Variants in TMPRSS15 observed in about 807,000 individuals in gnomAD.
TMPRSS15 encodes the protein transmembrane serine protease 15.
Under a neutral mutation model 125.3 loss-of-function variants are expected in TMPRSS15, and 128 were observed. The ratio of observed to expected loss-of-function variants is 1.02; its 90% confidence interval spans 0.89 to 1.18. TMPRSS15 has a LOEUF of 1.18. Ranked by LOEUF, TMPRSS15 falls within the 50% of genes most tolerant of loss-of-function variation. The pLI, the probability that TMPRSS15 is intolerant of heterozygous loss-of-function variation, is 0.00. For synonymous variants in TMPRSS15, 446 were observed against 423.2 expected (o/e 1.05, Z -0.66); for missense variants, 1,283 against 1,212.7 (o/e 1.06, Z -0.86).
intron 1 of TMPRSS15, among the ~76,000 whole-genome samples, chr21:18,446,099 A>G (rs1177861054): frequency 6.6e-6 from 1 of 152,230 alleles, no homozygotes; most frequent in Non-Finnish European, 1.5e-5. Context: ...TGATAAGCAA[A>G]TTCAATAAAG....
In TMPRSS15 at chr21:18,351,100, A is replaced by T. The variant is rs376830326; in HGVS notation, c.1171+1803T>A. 1.8e-4 allele frequency among the ~76,000 whole-genome samples: 28 copies of T among 152,246 alleles called. No individual in the cohort carries two copies. In the East Asian group the frequency reaches 5.0e-3, roughly 27 times the overall value. ...TATCTTGAAAAAAATTAACTCTTTA[A>T]AGTCCTTTAACTAAATGTCACTCAC... On this transcript the variant is annotated intron_variant, in intron 10 of 24. Transcript: ENST00000284885.
intron 1 of TMPRSS15, among the ~76,000 whole-genome samples, chr21:18,410,632 AT>A (rs1333822234): frequency 6.7e-6 from 1 of 150,010 alleles, no homozygotes; most frequent in African/African-American, 2.4e-5. Flanking sequence ...ATTCCCTACT[AT>A]TTTTGTTATT....
At chr21:18,383,568 C>T in intron 4 of TMPRSS15, 59 bp downstream of exon 4, 3 of 1,588,950 alleles carry the variant, frequency 1.9e-6, no homozygotes, top group Non-Finnish European at 2.6e-6. Context: ...TGGTATATTG[C>T]TAGAATTTTA....
chr21:18,432,970 G>A (rs2076219405), intron 1 of TMPRSS15, among the ~76,000 whole-genome samples: 1 of 152,084 alleles, frequency 6.6e-6, no homozygotes, highest in South Asian at 2.1e-4. Flanking sequence ...AGTAAGTAAT[G>A]CAAAGATTCC....
At chr21:18,361,640 A>C (rs1755628545) in intron 7 of TMPRSS15, among the ~76,000 whole-genome samples, 1 of 152,094 alleles carries the variant, frequency 6.6e-6, no homozygotes, top group Non-Finnish European at 1.5e-5. Flanking sequence ...GAAAGTCTAA[A>C]AGTCATTGTT....
intron 16 of TMPRSS15, among the ~76,000 whole-genome samples, chr21:18,317,796 TCCCATCCCA>T (rs2075184184): frequency 1.8e-5 from 2 of 111,394 alleles, no homozygotes; most frequent in African/African-American, 6.9e-5. Flanking sequence ...TCCCATCCCA[TCCCATCCCA>T]TCCCATCCCA....
chr21:18,294,177 G>T (rs1465375680), intron 21 of TMPRSS15, 93 bp downstream of exon 21: 3 of 1,439,140 alleles, frequency 2.1e-6, no homozygotes, highest in East Asian at 2.3e-5. Flanking sequence ...TTTCCCTGGT[G>T]GGATGGTTTT....
intron 1 of TMPRSS15, among the ~76,000 whole-genome samples, chr21:18,474,074 G>C (rs760886033): frequency 2.0e-5 from 3 of 151,870 alleles, no homozygotes; most frequent in Non-Finnish European, 4.4e-5. Flanking sequence ...CAAAGGGGCA[G>C]TTTTTCACTA....
intron 7 of TMPRSS15, among the ~76,000 whole-genome samples, chr21:18,363,232 C>T (rs187158689): frequency 1.8e-4 from 27 of 152,136 alleles, no homozygotes; most frequent in African/African-American, 6.0e-4. Context: ...GCATAAAGTA[C>T]ACTGTTTTGG....
chr21:18,476,461 TG>T, intron 1 of TMPRSS15, among the ~76,000 whole-genome samples: 1 of 152,232 alleles, frequency 6.6e-6, no homozygotes, highest in African/African-American at 2.4e-5. Context: ...GACAAGCTTT[TG>T]GGGGGTTTTT....
intron 24 of TMPRSS15, among the ~76,000 whole-genome samples, chr21:18,273,405 A>G (rs1273298151): frequency 6.6e-6 from 1 of 152,244 alleles, no homozygotes; most frequent in Admixed American, 6.5e-5. Flanking sequence ...AGTTGAACAA[A>G]GAAAATCATG....
chr21:18,470,594 A>G (rs1212442852), intron 1 of TMPRSS15, among the ~76,000 whole-genome samples: 2 of 152,110 alleles, frequency 1.3e-5, no homozygotes, highest in Non-Finnish European at 2.9e-5. Context: ...TTATGTTGTC[A>G]AGGTCTGCCC....
Position 18,433,686 on chromosome 21 carries a change from A to AAG in TMPRSS15, c.11-35358_11-35357insCT, listed in dbSNP as rs1555912318. Among the ~76,000 whole-genome samples, 147 of 150,800 alleles carry AAG rather than the reference A, an allele frequency of 9.7e-4. 2 individuals carry two copies. Among genetic ancestry groups the AAG allele is most frequent in the Non-Finnish European group, 1.3e-3 (85 of 67,548 alleles). ...CTCAAAAAAAAAAAAAAAAAAAAAAAGAAAATAACATAGTTTGAGGATATA... is the reference window on the plus strand; with the variant it reads ...CTCAAAAAAAAAAAAAAAAAAAAAAAAGGAAAATAACATAGTTTGAGGATATA... On this transcript the variant is annotated intron_variant, in intron 1 of 7. Coordinates refer to the TMPRSS15 transcript ENST00000422787.
chr21:18,485,827 A>T (rs961244024), exon 1 of TMPRSS15: 1 of 158,684 alleles, frequency 6.3e-6, no homozygotes, highest in Non-Finnish European at 1.4e-5. Context: ...AGGCCTCACA[A>T]TCATGGCAGA....
Position 18,288,179 on chromosome 21 carries a change from G to A in TMPRSS15, c.2486+6091C>T, listed in dbSNP as rs541858870. ...GAGAAAGAATAAAATCATGTCTTTT[G>A]CAGCAACATGGATGGAACTGGAGGC... On this transcript the variant is annotated intron_variant, in intron 21 of 24. Coordinates refer to ENST00000284885, the MANE Select transcript of TMPRSS15 (RefSeq NM_002772.3). 1.2e-3 allele frequency among the ~76,000 whole-genome samples: 179 copies of A among 152,236 alleles called. 1 individual carries two copies. Among genetic ancestry groups the A allele is most frequent in the African/African-American group, 4.2e-3 (173 of 41,556 alleles).
At chr21:18,271,600 CTTTTTTTTTT>C (rs1568973000) in intron 24 of TMPRSS15, among the ~76,000 whole-genome samples, 1 of 148,752 alleles carries the variant, frequency 6.7e-6, no homozygotes. Context: ...CTTTTCTTTT[CTTTTTTTTTT>C]ACATTTTACT....
intron 1 of TMPRSS15, among the ~76,000 whole-genome samples, chr21:18,429,213 C>T (rs925346755): frequency 1.3e-5 from 2 of 152,148 alleles, no homozygotes; most frequent in Non-Finnish European, 1.5e-5. Flanking sequence ...TACCTGTACC[C>T]CCAGTGTATC....
At chr21:18,372,752 G>A (rs1014216206) in intron 5 of TMPRSS15, among the ~76,000 whole-genome samples, 1 of 152,132 alleles carries the variant, frequency 6.6e-6, no homozygotes, top group African/African-American at 2.4e-5. Context: ...TGTTCCTTGG[G>A]TCAGAGATTC....
At chr21:18,305,182 A>ATTTTT (rs2075018505) in intron 18 of TMPRSS15, among the ~76,000 whole-genome samples, 2 of 39,856 alleles carry the variant, frequency 5.0e-5, no homozygotes, top group African/African-American at 1.9e-4. Flanking sequence ...GAATTTCCGT[A>ATTTTT]CTTTTTTTTT....
Sources: allele counts gnomAD v4.1 joint callset (sites outside exome capture counted in the v4.1 genomes callset), GRCh38; gene constraint gnomAD v4.1.1; transcripts MANE v1.5; gene names NCBI Gene and HGNC (gene_info 2026-07-23, HGNC 2026-07-21).